The following RBM25 variants were observed in gnomAD, a reference collection of about 807,000 sequenced individuals.
RBM25 encodes the protein RNA-binding protein 25.
RBM25 carries 19 observed loss-of-function variants against 120.7 expected under a neutral mutation model. That is an observed-to-expected ratio of 0.16 (90% CI 0.11 to 0.23). The LOEUF (loss-of-function observed/expected upper bound fraction) is 0.23, where lower values mean the gene tolerates loss of function less well. Ranked by LOEUF, RBM25 falls within the 10% of genes least tolerant of loss-of-function variation. The pLI is 1.00. For synonymous variants in RBM25, 390 were observed against 326.7 expected (o/e 1.19, Z -2.09); for missense variants, 605 against 1,041.5 (o/e 0.58, Z 5.77).
In RBM25 at chr14:73,069,354, T is replaced by C. The variant is rs529776974; in HGVS notation, c.-15-2273T>C. On this transcript the variant is annotated intron_variant, in intron 1 of 18. Coordinates refer to ENST00000261973, the MANE Select transcript of RBM25 (RefSeq NM_021239.3). ...AGCAGTAGATACCAAACTGTTGGGA[T>C]TGGGGGCAAGGAAGTGGAAGACTTA... Among the ~76,000 whole-genome samples the C allele has an allele frequency of 3.3e-5, 5 of 152,324 alleles. No individual in the cohort carries two copies. The South Asian group carries it at 1.0e-3, about 32-fold the overall frequency.
At chr14:73,072,419 G>A (rs965666861) in intron 2 of RBM25, among the ~76,000 whole-genome samples, 14 of 152,096 alleles carry the variant, frequency 9.2e-5, no homozygotes, top group Non-Finnish European at 1.8e-4. Context: ...GAAGCAATAA[G>A]GTTATTAGTT....
chr14:73,074,906 G>C (rs757790083), intron 2 of RBM25, among the ~76,000 whole-genome samples: 1 of 151,314 alleles, frequency 6.6e-6, no homozygotes, highest in African/African-American at 2.4e-5. Context: ...GGGTTTTGCC[G>C]TGTTGGCTCA....
chr14:73,080,116 T>C (rs926542127), intron 4 of RBM25, among the ~76,000 whole-genome samples: 6 of 150,304 alleles, frequency 4.0e-5, no homozygotes, highest in Non-Finnish European at 7.5e-5. Flanking sequence ...TTCTGAGTCT[T>C]AGGGCATGCT....
intron 17 of RBM25, among the ~76,000 whole-genome samples, 177 bp from the exon 18 acceptor site, chr14:73,114,109 A>G (rs927579065): frequency 1.3e-5 from 2 of 152,208 alleles, no homozygotes; most frequent in Admixed American, 1.3e-4. Flanking sequence ...TTAATATTCC[A>G]GGTTTTGGTG....
intron 3 of RBM25, 128 bp from the exon 4 acceptor site, chr14:73,077,241 A>G (rs2140431837): frequency 1.3e-6 from 1 of 766,884 alleles, no homozygotes; most frequent in East Asian, 2.9e-5. Flanking sequence ...CTTTAGAAGT[A>G]TACAAGCATG....
At chr14:73,106,863 C>T (rs1220645118) in intron 12 of RBM25, among the ~76,000 whole-genome samples, 1 of 145,914 alleles carries the variant, frequency 6.9e-6, no homozygotes. Flanking sequence ...TTTGTGGAGA[C>T]GGAGTGTTGC....
intron 2 of RBM25, among the ~76,000 whole-genome samples, chr14:73,073,782 A>ACGCT (rs1270816551): frequency 6.6e-6 from 1 of 152,228 alleles, no homozygotes; most frequent in Non-Finnish European, 1.5e-5. Context: ...TTATGCTTGT[A>ACGCT]GTGGAGCTGC....
At chr14:73,064,595 A>G (rs868119195) in intron 1 of RBM25, among the ~76,000 whole-genome samples, 1 of 151,106 alleles carries the variant, frequency 6.6e-6, no homozygotes, top group Non-Finnish European at 1.5e-5. Flanking sequence ...GGCTTTCACC[A>G]TGTTGGCCAG....
intron 2 of RBM25, among the ~76,000 whole-genome samples, chr14:73,072,043 G>A (rs1405392897): frequency 2.0e-5 from 3 of 151,046 alleles, no homozygotes; most frequent in South Asian, 2.1e-4. Flanking sequence ...CACGATCTCC[G>A]CTCACTGCAA....
At chr14:73,117,142 TTTAA>T (rs1164438168) in intron 18 of RBM25, among the ~76,000 whole-genome samples, 2 of 151,402 alleles carry the variant, frequency 1.3e-5, no homozygotes, top group Non-Finnish European at 2.9e-5. Flanking sequence ...TCAAAAGTTC[TTTAA>T]TTAATTATTG....
At chr14:73,077,049 C>G (rs1871907985) in intron 3 of RBM25, among the ~76,000 whole-genome samples, 1 of 152,192 alleles carries the variant, frequency 6.6e-6, no homozygotes, top group Non-Finnish European at 1.5e-5. Context: ...CCACTGCACT[C>G]CAGCCTGGGC....
In RBM25 at chr14:73,103,379, A is replaced by G. The variant is rs1055735540; in HGVS notation, c.1055A>G (p.Asp352Gly). The change falls in exon 10 of 19, where the codon GAC (aspartate) becomes GGC (glycine). Residue 352 changes from aspartate (D) to glycine (G), a missense_variant. Physicochemically the swap from Asp to Gly is moderately conservative, Grantham distance 94. Coordinates refer to ENST00000261973, the MANE Select transcript of RBM25 (RefSeq NM_021239.3). ...GAACGAGAACGGGATAGGGACCGTGACCGGACAAAAGAGAGAGACCGAGAT... is the reference window on the plus strand; with the variant it reads ...GAACGAGAACGGGATAGGGACCGTGGCCGGACAAAAGAGAGAGACCGAGAT... ...ERERERDRDR[D>G]RTKERDRDRD... The G allele has an allele frequency of 6.2e-7, 1 of 1,611,736 alleles. No individual in the cohort carries two copies. Among genetic ancestry groups the G allele is most frequent in the African/African-American group, 1.3e-5 (1 of 74,902 alleles).
At chr14:73,092,208 G>GT in intron 6 of RBM25, among the ~76,000 whole-genome samples, 1 of 151,132 alleles carries the variant, frequency 6.6e-6, no homozygotes, top group African/African-American at 2.4e-5. Flanking sequence ...TAAGGGTGGT[G>GT]GGGGGTGTAG....
chr14:73,071,611 G>A lies in RBM25; in HGVS notation c.-15-16G>A. Reference sequence around the variant, plus strand: ...GTTTTCAAATAAAATGATTTGTCATGTCCTTTTTTCTTTAGACTGCTGCAG... The same window carrying A: ...GTTTTCAAATAAAATGATTTGTCATATCCTTTTTTCTTTAGACTGCTGCAG... On this transcript the variant is annotated splice_polypyrimidine_tract_variant and intron_variant, in intron 1 of 18. Transcript: ENST00000261973. 2.0e-6 allele frequency: 3 copies of A among 1,508,026 alleles called. No homozygotes were observed. The highest frequency in any genetic ancestry group is 1.1e-5 in the South Asian group (1 of 88,172). 93.4% of individuals were successfully genotyped at this position (1,508,026 alleles called of 1,614,324 possible).
chr14:73,065,377 C>G (rs2140421146), intron 1 of RBM25, among the ~76,000 whole-genome samples: 1 of 152,018 alleles, frequency 6.6e-6, no homozygotes, highest in Non-Finnish European at 1.5e-5. Context: ...ATCGGTCTGC[C>G]TCGGCCTCCC....
At position 73,111,115 on chromosome 14, in the gene RBM25, TGAG is replaced by T. The variant is rs776928431; in HGVS notation, c.1981_1983del (p.Glu661del). On this transcript the variant is annotated inframe_deletion, in exon 15 of 19. Transcript: ENST00000261973. ...AAAACTCACCAGATCAACAGCAACC[TGAG>T]GAGCATAGGCCAAAAATAGGACTAA... 1 of 1,614,080 alleles carries T rather than the reference TGAG, an allele frequency of 6.2e-7. No individual in the cohort carries two copies. The highest frequency in any genetic ancestry group is 8.5e-7 in the Non-Finnish European group (1 of 1,179,964).
At chr14:73,089,749 C>T (rs1258995028) in intron 6 of RBM25, among the ~76,000 whole-genome samples, 2 of 151,856 alleles carry the variant, frequency 1.3e-5, no homozygotes, top group Non-Finnish European at 2.9e-5. Context: ...TCACTGCAAC[C>T]TCCACCTCCC....
chr14:73,077,205 A>G (rs558533123), intron 3 of RBM25, among the ~76,000 whole-genome samples, 164 bp from the exon 4 acceptor site: 1 of 152,240 alleles, frequency 6.6e-6, no homozygotes, highest in Admixed American at 6.5e-5. Flanking sequence ...GTTTGCATTA[A>G]TGAAATGTGC....
chr14:73,080,974 G>T (rs1033808151), intron 4 of RBM25, among the ~76,000 whole-genome samples: 3 of 151,050 alleles, frequency 2.0e-5, no homozygotes, highest in African/African-American at 7.3e-5. Context: ...ATGGATGCCT[G>T]CTACCACACC....
Sources: gnomAD v4.1 joint callset for allele counts (sites outside exome capture counted in the v4.1 genomes callset) on GRCh38, gnomAD v4.1.1 for gene constraint, MANE v1.5 for transcripts, NCBI Gene and HGNC (gene_info 2026-07-23, HGNC 2026-07-21) for gene names.